The following ZNF8 variants were observed in gnomAD, a reference collection of about 807,000 sequenced individuals.
ZNF8 encodes zinc finger protein 8.
ZNF8 carries 9 observed loss-of-function variants against 12.2 expected under a neutral mutation model. The observed-to-expected ratio is 0.73, with a 90% confidence interval of 0.44 to 1.28. The LOEUF is 1.28. Among genes scored for constraint, ZNF8 ranks in the 50% most tolerant of loss-of-function variants. The pLI, the probability that ZNF8 is intolerant of heterozygous loss-of-function variation, is 0.00. For missense variants in ZNF8, 664 were observed against 729.1 expected (o/e 0.91, Z 1.03); for synonymous variants, 274 against 282.3 (o/e 0.97, Z 0.30).
chr19:58,294,624 C>T lies in ZNF8; in HGVS notation c.816C>T (p.Leu272=). ...CGKSFNHNAH[L]TVHKRIHTGE... ...AGTCGTTTAACCATAACGCACACCT[C>T]ACCGTGCACAAGAGGATTCATACGG... The change falls in exon 4 of 4, where the codon CTC becomes CTT. Residue 272 remains leucine, a synonymous_variant. Coordinates refer to ENST00000621650, the MANE Select transcript of ZNF8 (RefSeq NM_021089.3). This position sits in a 1 kb window ranked among gnomAD's most constrained non-coding sequence, Gnocchi z 5.5. The T allele has an allele frequency of 6.2e-7, 1 of 1,614,150 alleles. No homozygotes were observed. The highest frequency in any genetic ancestry group is 8.5e-7 in the Non-Finnish European group (1 of 1,180,030).
rs545584643 is a variant in ZNF8, at chr19:58,279,823, G to C, written c.66+676G>C. 6 of 1,411,360 alleles carry C rather than the reference G, an allele frequency of 4.3e-6. No individual in the cohort carries two copies. The East Asian group carries it at 1.7e-4, about 41-fold the overall frequency. The allele number at this position is 1,411,360 out of a possible 1,614,324, so 87.4% of individuals were successfully genotyped here. A position where few individuals can be genotyped will look rare whatever the true frequency, so the allele number is the denominator to read the frequency against. The stretch of plus-strand genomic sequence containing the variant: ...TGTGTTCTCCATAAAGCTGCCTCGC[G>C]TGGCAGGAAACAACAATAATTATCC... On this transcript the variant is annotated intron_variant, in intron 1 of 3. Transcript: ENST00000621650.
At chr19:58,290,409 C>G (rs558344189) in intron 3 of ZNF8, among the ~76,000 whole-genome samples, 4 of 151,674 alleles carry the variant, frequency 2.6e-5, no homozygotes, top group Non-Finnish European at 4.4e-5. Flanking sequence ...CCACCGCGCC[C>G]GGCCATCAAG....
At chr19:58,293,229 G>A (rs757927543) in intron 3 of ZNF8, among the ~76,000 whole-genome samples, 22 of 152,144 alleles carry the variant, frequency 1.4e-4, no homozygotes, top group Non-Finnish European at 3.1e-4. Context: ...ATGAGCCACC[G>A]GGCCTAGCCA....
intron 1 of ZNF8, chr19:58,279,497 T>C: frequency 6.8e-7 from 1 of 1,481,110 alleles, no homozygotes; most frequent in Non-Finnish European, 8.9e-7. Flanking sequence ...TCGTGTTGAC[T>C]GATAACAGTA....
chr19:58,286,497 A>C, intron 3 of ZNF8: 5 of 300,298 alleles, frequency 1.7e-5, no homozygotes, highest in East Asian at 7.0e-5. Flanking sequence ...GTGACACCTC[A>C]TGAGACATGA....
chr19:58,285,251 C>T (rs1366982132), intron 1 of ZNF8, among the ~76,000 whole-genome samples: 1 of 151,802 alleles, frequency 6.6e-6, no homozygotes, highest in Non-Finnish European at 1.5e-5. Context: ...TGGGCTCAAG[C>T]GATTCTGCTG....
intron 3 of ZNF8, among the ~76,000 whole-genome samples, chr19:58,291,223 T>C (rs1437252199): frequency 1.3e-5 from 2 of 152,178 alleles, no homozygotes; most frequent in East Asian, 3.9e-4. Context: ...GGTCACCTCC[T>C]GGCTGACTAC....
chr19:58,285,162 T>TG (rs2051375327), intron 1 of ZNF8, among the ~76,000 whole-genome samples: 1 of 151,464 alleles, frequency 6.6e-6, no homozygotes, highest in African/African-American at 2.4e-5. Context: ...TTTTTGTTTT[T>TG]TTTTTTTGAG....
chr19:58,279,597 C>T, intron 1 of ZNF8: 1 of 1,533,832 alleles, frequency 6.5e-7, no homozygotes, highest in Non-Finnish European at 8.7e-7. Flanking sequence ...ACCGGGACCC[C>T]AGCACCGCGG....
At chr19:58,286,435 C>T (rs2051384142) in intron 3 of ZNF8, 1 of 423,182 alleles carries the variant, frequency 2.4e-6, no homozygotes, top group African/African-American at 2.0e-5. Flanking sequence ...CCTCCAGAGT[C>T]CCCTCACTGT....
At chr19:58,279,880 T>C in intron 1 of ZNF8, 1 of 1,046,162 alleles carries the variant, frequency 9.6e-7, no homozygotes, top group Non-Finnish European at 1.2e-6. Context: ...GAAATTATAC[T>C]TTTTTTTATT....
rs894921768 is a variant in ZNF8, at chr19:58,285,699, A to G, written c.67-18A>G. The G allele has an allele frequency of 6.2e-7, 1 of 1,614,020 alleles. No individual in the cohort carries two copies. Among genetic ancestry groups the G allele is most frequent in the African/African-American group, 1.3e-5 (1 of 74,900 alleles). On this transcript the variant is annotated intron_variant, in intron 1 of 3. Transcript: ENST00000621650. Reference sequence around the variant, plus strand: ...ATGGAGATAGTCCAGCTGATTGAGAATGTGTGTGATGTTTCAGGAACCAGT... The same window carrying G: ...ATGGAGATAGTCCAGCTGATTGAGAGTGTGTGTGATGTTTCAGGAACCAGT...
In ZNF8 at chr19:58,301,644, C is replaced by G. The variant is rs76191115; in HGVS notation, c.*6108C>G. The G allele has an allele frequency of 9.7e-3, 1,487 of 152,564 alleles. 31 individuals are homozygous for G. Among genetic ancestry groups the G allele is most frequent in the African/African-American group, 0.034 (1,418 of 41,538 alleles). 9.5% of individuals were successfully genotyped at this position (152,564 alleles called of 1,614,324 possible). ...CACCTTGGCCCCCAAAATGGCCAGT[C>G]CTGAAGGGGTCACAGTTGATACTTC... On this transcript the variant is annotated 3_prime_UTR_variant, in exon 4 of 4. Coordinates refer to ENST00000621650, the MANE Select transcript of ZNF8 (RefSeq NM_021089.3).
intron 1 of ZNF8, chr19:58,279,814 C>G (rs2051336879): frequency 7.0e-7 from 1 of 1,430,400 alleles, no homozygotes; most frequent in Admixed American, 2.1e-5. Context: ...CTCCATAAAG[C>G]TGCCTCGCGT....
Position 58,285,784 on chromosome 19 carries a change from C to G in ZNF8, c.134C>G (p.Thr45Ser). 1 of 1,614,092 alleles carries G rather than the reference C, an allele frequency of 6.2e-7. No homozygotes were observed. The highest frequency in any genetic ancestry group is 8.5e-7 in the Non-Finnish European group (1 of 1,179,982). The change falls in exon 2 of 4, where the codon ACC becomes AGC. Residue 45 changes from threonine (T) to serine (S), a missense_variant. Coordinates refer to ENST00000621650, the MANE Select transcript of ZNF8 (RefSeq NM_021089.3). ...GAGGAATGGGGGCAGCTGGACCCTA[C>G]CCAGAGGATCCTCTACCGTGACGTG... is the stretch of plus-strand genomic sequence containing the variant. ...TQEEWGQLDP[T>S]QRILYRDVML...
Sources: allele counts gnomAD v4.1 joint callset (sites outside exome capture counted in the v4.1 genomes callset), GRCh38; gene constraint gnomAD v4.1.1; non-coding constraint Gnocchi (gnomAD v3.1); transcripts MANE v1.5; gene names NCBI Gene and HGNC (gene_info 2026-07-23, HGNC 2026-07-21).